TBC1D2B: variants seen among roughly 807,000 people sequenced by gnomAD.
The protein encoded by TBC1D2B is TBC1 domain family member 2B.
A neutral mutation model predicts 100.8 loss-of-function variants in TBC1D2B; 64 were observed. That is an observed-to-expected ratio of 0.64 (90% CI 0.52 to 0.78). The LOEUF is 0.78. Ranked by LOEUF, TBC1D2B falls within the 30% of genes least tolerant of loss-of-function variation. The probability of loss-of-function intolerance (pLI) is 0.00; values close to 1 mark genes in which losing one functional copy is unlikely to be tolerated. For synonymous variants in TBC1D2B, 480 were observed against 479.7 expected (o/e 1.00, Z -0.01); for missense variants, 1,052 against 1,218.4 (o/e 0.86, Z 2.03).
chr15:78,031,913 G>A (rs891557752), intron 3 of TBC1D2B, among the ~76,000 whole-genome samples: 1 of 152,208 alleles, frequency 6.6e-6, no homozygotes, highest in African/African-American at 2.4e-5. Flanking sequence ...CTTACTGCCT[G>A]GAGACAGTTT....
At chr15:78,006,569 T>A (rs1393031826) in intron 10 of TBC1D2B, among the ~76,000 whole-genome samples, 2 of 152,184 alleles carry the variant, frequency 1.3e-5, no homozygotes, top group Non-Finnish European at 2.9e-5. Flanking sequence ...TCCTGTGATG[T>A]TCTAGGAGGC....
At chr15:77,999,526 CG>C (rs1567010121) in intron 12 of TBC1D2B, 1 of 232,008 alleles carries the variant, frequency 4.3e-6, no homozygotes, top group Non-Finnish European at 9.0e-6. Context: ...GGGGTCCCCG[CG>C]TGTGGATTTC....
intron 1 of TBC1D2B, among the ~76,000 whole-genome samples, chr15:78,060,641 G>A (rs1018984654): frequency 1.3e-5 from 2 of 151,838 alleles, no homozygotes; most frequent in Admixed American, 6.6e-5. Context: ...TCTTGGTTGG[G>A]CACTGTGGCT....
At chr15:78,077,182 G>A in intron 1 of TBC1D2B, 111 bp downstream of exon 1, 2 of 1,338,002 alleles carry the variant, frequency 1.5e-6, no homozygotes, top group East Asian at 3.0e-5. Flanking sequence ...AGGCCGACGT[G>A]GGCAGGGGCG....
In TBC1D2B at chr15:77,995,248, A is replaced by C. The variant is rs1168466876; in HGVS notation, c.*2912T>G. On this transcript the variant is annotated 3_prime_UTR_variant, in exon 13 of 13. Transcript: ENST00000300584. Reference sequence around the variant, plus strand: ...CAGGAAGACAACACTATAGGATGGCAGGTGGGGATCTGTGCAATACAAACA... The same window carrying C: ...CAGGAAGACAACACTATAGGATGGCCGGTGGGGATCTGTGCAATACAAACA... 1 of 152,228 alleles carries C rather than the reference A, an allele frequency of 6.6e-6. No homozygotes were observed. Among genetic ancestry groups the C allele is most frequent in the Non-Finnish European group, 1.5e-5 (1 of 68,054 alleles). 9.4% of individuals were successfully genotyped at this position (152,228 alleles called of 1,614,324 possible).
chr15:78,012,168 C>T (rs543389462), intron 9 of TBC1D2B, among the ~76,000 whole-genome samples: 1 of 152,300 alleles, frequency 6.6e-6, no homozygotes, highest in African/African-American at 2.4e-5. Context: ...AGAAAGCGCG[C>T]CAGCCAGGTA....
At chr15:78,020,838 GCT>G (rs1241292190) in intron 6 of TBC1D2B, among the ~76,000 whole-genome samples, 1 of 152,224 alleles carries the variant, frequency 6.6e-6, no homozygotes, top group African/African-American at 2.4e-5. Flanking sequence ...GCATAGATGA[GCT>G]GGAAGAAGGA....
intron 6 of TBC1D2B, among the ~76,000 whole-genome samples, chr15:78,020,403 TAC>T (rs1265214044): frequency 6.6e-6 from 1 of 152,184 alleles, no homozygotes; most frequent in African/African-American, 2.4e-5. Context: ...TCATTTATAT[TAC>T]AGATACTTTC....
intron 2 of TBC1D2B, among the ~76,000 whole-genome samples, chr15:78,051,673 T>A (rs2073316849): frequency 6.6e-6 from 1 of 152,250 alleles, no homozygotes; most frequent in African/African-American, 2.4e-5. Flanking sequence ...GTTTTATTTT[T>A]AATGCAAATC....
chr15:78,051,592 G>C (rs1011514942), intron 2 of TBC1D2B, among the ~76,000 whole-genome samples: 3 of 152,186 alleles, frequency 2.0e-5, no homozygotes, highest in African/African-American at 7.2e-5. Context: ...GGTCCTGATG[G>C]GTGATGCCCA....
chr15:78,003,690 C>G (rs937297718), intron 10 of TBC1D2B, 200 bp from the exon 11 acceptor site: 45 of 523,304 alleles, frequency 8.6e-5, no homozygotes, highest in Non-Finnish European at 1.4e-4. Flanking sequence ...CAGGTACACA[C>G]CGAGTGTCCG....
In TBC1D2B at chr15:78,016,736, A is replaced by C. The variant is rs1188090781; in HGVS notation, c.1585T>G (p.Ser529Ala). The change falls in exon 8 of 13, where the codon TCT becomes GCT. Residue 529 changes from serine to alanine, a missense_variant. Ser to Ala is a moderately conservative substitution (Grantham distance 99, BLOSUM62 1). Around this residue, in one of 4 missense-constraint regions of TBC1D2B, gnomAD observed 373 missense variants for 464.9 expected, o/e 0.80. Coordinates refer to ENST00000300584, the MANE Select transcript of TBC1D2B (RefSeq NM_144572.2). ...TGGCAGAGCTTGGCTTCCAGGCTAGAATACTGCAGAGAATGTGGTGGTTAC... is the reference window on the plus strand; with the variant it reads ...TGGCAGAGCTTGGCTTCCAGGCTAGCATACTGCAGAGAATGTGGTGGTTAC... ...RRERDLMAKY[S>A]SLEAKLCQIE... 1.3e-6 allele frequency: 2 copies of C among 1,536,760 alleles called. No homozygotes were observed. The highest frequency in any genetic ancestry group is 4.6e-5 in the East Asian group (2 of 43,818).
chr15:78,049,190 G>A (rs2073261144), intron 2 of TBC1D2B, among the ~76,000 whole-genome samples: 1 of 152,200 alleles, frequency 6.6e-6, no homozygotes, highest in Admixed American at 6.5e-5. Flanking sequence ...ACCAGGTCCT[G>A]AGAGGCCCCA....
intron 3 of TBC1D2B, among the ~76,000 whole-genome samples, chr15:78,040,855 G>GA (rs2073070158): frequency 1.3e-5 from 1 of 74,668 alleles, no homozygotes; most frequent in Non-Finnish European, 2.7e-5. Flanking sequence ...AGAAAGAAAG[G>GA]AAGAAAGAAA....
At chr15:78,000,509 C>G (rs1429374452) in intron 12 of TBC1D2B, among the ~76,000 whole-genome samples, 1 of 152,260 alleles carries the variant, frequency 6.6e-6, no homozygotes, top group Non-Finnish European at 1.5e-5. Context: ...CTTTCCCCAG[C>G]AAATATGATT....
intron 3 of TBC1D2B, among the ~76,000 whole-genome samples, chr15:78,032,409 A>AT (rs1448550476): frequency 6.6e-6 from 1 of 151,532 alleles, no homozygotes; most frequent in African/African-American, 2.4e-5. Context: ...ATTTATAGCA[A>AT]TAAAAAAAAT....
At chr15:78,067,545 A>T (rs1162160890) in intron 1 of TBC1D2B, among the ~76,000 whole-genome samples, 1 of 152,226 alleles carries the variant, frequency 6.6e-6, no homozygotes, top group Non-Finnish European at 1.5e-5. Flanking sequence ...TCCAAGATCA[A>T]CATCTCTGAT....
intron 3 of TBC1D2B, among the ~76,000 whole-genome samples, chr15:78,038,491 T>C (rs1321213884): frequency 2.0e-5 from 3 of 152,028 alleles, no homozygotes; most frequent in African/African-American, 7.2e-5. Flanking sequence ...ACAGAGGAAA[T>C]GACAGGGGTC....
At chr15:78,070,379 T>C (rs773566983) in intron 1 of TBC1D2B, among the ~76,000 whole-genome samples, 1 of 152,018 alleles carries the variant, frequency 6.6e-6, no homozygotes, top group Non-Finnish European at 1.5e-5. Context: ...TATACATGCA[T>C]TGCATATCTT....
Sources: gnomAD v4.1 joint callset for allele counts (sites outside exome capture counted in the v4.1 genomes callset) on GRCh38, gnomAD v4.1.1 for gene constraint, gnomAD v4.1.1 regional missense constraint, MANE v1.5 for transcripts, NCBI Gene and HGNC (gene_info 2026-07-23, HGNC 2026-07-21) for gene names.